Variants in NFATC1 observed in about 807,000 individuals in gnomAD.
The protein encoded by NFATC1 is nuclear factor of activated T cells 1.
A neutral mutation model predicts 76.0 loss-of-function variants in NFATC1; 22 were observed. The ratio of observed to expected loss-of-function variants is 0.29; its 90% CI spans 0.21 to 0.41. The LOEUF (loss-of-function observed/expected upper bound fraction) is 0.41, where lower values mean the gene tolerates loss of function less well. Among genes scored for constraint, NFATC1 ranks in the 10% least tolerant of loss-of-function variants. The pLI, the probability that NFATC1 is intolerant of heterozygous loss-of-function variation, is 1.00. For synonymous variants in NFATC1, 704 were observed against 613.1 expected, an observed-to-expected ratio of 1.15 and a Z score of -2.19; for missense variants, 1,357 against 1,337.7, an observed-to-expected ratio of 1.01 and a Z score of -0.23.
intron 8 of NFATC1, among the ~76,000 whole-genome samples, chr18:79,475,379 G>A (rs1034560006): frequency 6.9e-4 from 97 of 140,496 alleles, no homozygotes; most frequent in Non-Finnish European, 1.1e-3. Context: ...CACTGTCGAC[G>A]TTGCGAGGGA....
chr18:79,427,668 T>TG (rs1600681797), intron 2 of NFATC1, among the ~76,000 whole-genome samples: 1 of 46,822 alleles, frequency 2.1e-5, no homozygotes, highest in Non-Finnish European at 3.7e-5. Context: ...GGCCTCTGTG[T>TG]GGTGTGGGGG....
intron 9 of NFATC1, among the ~76,000 whole-genome samples, chr18:79,520,537 G>C (rs538423178): frequency 7.0e-6 from 1 of 142,926 alleles, no homozygotes; most frequent in East Asian, 2.0e-4. Flanking sequence ...TGTGTGGGGG[G>C]GGGAGGGTGC....
rs1335070177 is a variant in NFATC1, at chr18:79,467,363, ACG to A, written c.1960-84_1960-83del. 1.5e-4 allele frequency: 202 copies of A among 1,310,672 alleles called. No individual in the cohort carries two copies. In the African/African-American group the frequency reaches 4.4e-3, roughly 29 times the overall value. The allele number at this position is 1,310,672 out of a possible 1,614,324, so 81.2% of individuals were successfully genotyped here. On this transcript the variant is annotated intron_variant, in intron 7 of 9. Transcript: ENST00000427363. ...GGGTTGCCGTGTGGCCGCCGTGGAA[ACG>A]CGGGGTTGCCGTGTGGCCGCCGTGG...
chr18:79,455,243 C>T (rs1045692015), intron 6 of NFATC1, among the ~76,000 whole-genome samples: 6 of 152,226 alleles, frequency 3.9e-5, no homozygotes, highest in Non-Finnish European at 7.3e-5. Context: ...CACACTACGA[C>T]GCCGGGGGTG....
intron 3 of NFATC1, among the ~76,000 whole-genome samples, chr18:79,436,098 C>T (rs545661634): frequency 3.3e-5 from 5 of 152,286 alleles, no homozygotes; most frequent in East Asian, 3.9e-4. Flanking sequence ...TAAAAACAAA[C>T]GAGAATAGAA....
At position 79,451,806 on chromosome 18, in the gene NFATC1, G is replaced by A; in HGVS notation, c.1893G>A (p.Glu631=). 1 of 1,610,486 alleles carries A rather than the reference G, an allele frequency of 6.2e-7. No individual in the cohort carries two copies. Among genetic ancestry groups the A allele is most frequent in the South Asian group, 1.1e-5 (1 of 90,298 alleles). ...AGGACTCCAAGGTCATTTTCGTGGA[G>A]AAAGCCCCAGGTATGCTCTTCACCA... ...FLQDSKVIFV[E]KAPDGHHVWE... The change falls in exon 6 of 10, where the codon GAG becomes GAA. Residue 631 remains glutamate (E), a synonymous_variant. Coordinates refer to ENST00000427363, the MANE Select transcript of NFATC1 (RefSeq NM_001278669.2).
At chr18:79,509,648 T>C (rs1405292611) in intron 9 of NFATC1, among the ~76,000 whole-genome samples, 1 of 152,218 alleles carries the variant, frequency 6.6e-6, no homozygotes, top group Non-Finnish European at 1.5e-5. Flanking sequence ...GTGATCTCCA[T>C]TAGATCTGGA....
chr18:79,403,120 G>A (rs895233327), intron 1 of NFATC1, among the ~76,000 whole-genome samples: 1 of 152,256 alleles, frequency 6.6e-6, no homozygotes, highest in Non-Finnish European at 1.5e-5. Context: ...GGGGGCTGCA[G>A]CCGCAGGGTG....
At chr18:79,411,901 G>A (rs972717088) in intron 2 of NFATC1, among the ~76,000 whole-genome samples, 1 of 152,202 alleles carries the variant, frequency 6.6e-6, no homozygotes, top group Non-Finnish European at 1.5e-5. Context: ...CACACGCGCA[G>A]TTTCTTCCTC....
chr18:79,493,997 C>T (rs1387863415), intron 9 of NFATC1, among the ~76,000 whole-genome samples: 2 of 151,650 alleles, frequency 1.3e-5, no homozygotes, highest in South Asian at 4.1e-4. Flanking sequence ...CGTCCAGCCC[C>T]AGGCCCGGAG....
In NFATC1 at chr18:79,486,278, A is replaced by T; in HGVS notation, c.2123A>T (p.Asp708Val). The T allele has an allele frequency of 6.2e-7, 1 of 1,611,670 alleles. No individual in the cohort carries two copies. Among genetic ancestry groups the T allele is most frequent in the Non-Finnish European group, 8.5e-7 (1 of 1,178,920 alleles). The change falls in exon 9 of 10, where the codon GAT (aspartate) becomes GTT (valine). Residue 708 changes from aspartate to valine, a missense_variant. By Grantham distance (152) the Asp-to-Val change is radical. This residue lies in a region of NFATC1 where 424 missense variants were observed against 395.4 expected (regional missense o/e 1.07). Coordinates refer to ENST00000427363, the MANE Select transcript of NFATC1 (RefSeq NM_001278669.2). ...VPIIKTEPTDDYEPAPTCGPV... is the reference protein window; with the variant it reads ...VPIIKTEPTDVYEPAPTCGPV... ...ATTATAAAAACAGAACCCACTGATG[A>T]TTATGAGCCTGCTCCAACCTGTGGA...
intron 9 of NFATC1, among the ~76,000 whole-genome samples, chr18:79,512,894 G>A (rs1423114632): frequency 2.0e-5 from 3 of 152,238 alleles, no homozygotes; most frequent in African/African-American, 7.2e-5. Flanking sequence ...CCGTGTGAAT[G>A]TGGGGTGCTG....
At position 79,527,705 on chromosome 18, in the gene NFATC1, G is replaced by C. The variant is rs1601032324; in HGVS notation, c.*128G>C. 1 of 822,230 alleles carries C rather than the reference G, an allele frequency of 1.2e-6. No individual in the cohort carries two copies. The highest frequency in any genetic ancestry group is 1.5e-5 in the South Asian group (1 of 66,514). The allele number at this position is 822,230 out of a possible 1,614,324, so 50.9% of individuals were successfully genotyped here. On this transcript the variant is annotated 3_prime_UTR_variant, in exon 10 of 10. Transcript: ENST00000427363. ...TCCAACTGACTGAATGCCAGGAGCT[G>C]AACATTAATATGTGCAAAGATTGGC...
At chr18:79,497,468 A>T (rs1437494954) in intron 9 of NFATC1, 1 of 152,164 alleles carries the variant, frequency 6.6e-6, no homozygotes, top group Non-Finnish European at 1.5e-5. Flanking sequence ...TGCAGTCCGC[A>T]TTTGGACTGG....
In NFATC1 at chr18:79,510,921, C is replaced by A. The variant is rs561466147; in HGVS notation, c.2783-16607C>A. ...CCGGGACATCCTCCACCGGGGGCTC[C>A]TCCGCCGGGGCATCCTGCTCCGGGG... On this transcript the variant is annotated intron_variant, in intron 9 of 9. Transcript: ENST00000427363. 2.6e-5 allele frequency among the ~76,000 whole-genome samples: 4 copies of A among 152,278 alleles called. No individual in the cohort carries two copies. The South Asian group carries it at 8.3e-4, about 32-fold the overall frequency.
chr18:79,492,901 C>CTTTTTTTTTTTTTTTTTTTTTTTTTTTT (rs10605674), intron 9 of NFATC1, among the ~76,000 whole-genome samples: 1 of 87,256 alleles, frequency 1.1e-5, no homozygotes, highest in Non-Finnish European at 2.1e-5. Context: ...ATGAATCCAG[C>CTTTTTTTTTTTTTTTTTTTTTTTTTTTT]TTTTTTTTTT....
chr18:79,402,613 A>T (rs1246736306), intron 1 of NFATC1, among the ~76,000 whole-genome samples: 1 of 152,004 alleles, frequency 6.6e-6, no homozygotes, highest in Non-Finnish European at 1.5e-5. Context: ...GGGCTTTAGG[A>T]GTTGGGGCTC....
At chr18:79,433,802 G>A (rs1568956826) in intron 3 of NFATC1, 64 bp downstream of exon 3, 3 of 1,564,280 alleles carry the variant, frequency 1.9e-6, no homozygotes, top group Non-Finnish European at 2.6e-6. Context: ...TAACTTTGGA[G>A]CCACAGCTAA....
chr18:79,450,534 T>C (rs1393545058), intron 4 of NFATC1, among the ~76,000 whole-genome samples: 4 of 152,110 alleles, frequency 2.6e-5, no homozygotes, highest in African/African-American at 9.7e-5. Flanking sequence ...AGCAGGTGCC[T>C]CTGGCCCCTC....
Sources: allele counts gnomAD v4.1 joint callset (sites outside exome capture counted in the v4.1 genomes callset), GRCh38; gene constraint gnomAD v4.1.1; regional missense constraint gnomAD v4.1.1; transcripts MANE v1.5; gene names NCBI Gene and HGNC (gene_info 2026-07-23, HGNC 2026-07-21).